TRIM71: variants seen among roughly 807,000 people sequenced by gnomAD.
The protein encoded by TRIM71 is tripartite motif containing 71.
A neutral mutation model predicts 61.2 loss-of-function variants in TRIM71; 9 were observed. The observed-to-expected ratio is 0.15, with a 90% CI of 0.09 to 0.26. The LOEUF (loss-of-function observed/expected upper bound fraction) is 0.26, where lower values mean the gene tolerates loss of function less well. Ranked by LOEUF, TRIM71 falls within the 10% of genes least tolerant of loss-of-function variation. TRIM71 has a pLI of 1.00. For missense variants in TRIM71, 998 were observed against 1,238.7 expected, an observed-to-expected ratio of 0.81 and a Z score of 2.92; for synonymous variants, 645 against 553.2, an observed-to-expected ratio of 1.17 and a Z score of -2.33.
At position 32,818,041 on chromosome 3, in the gene TRIM71, T is replaced by G. The variant is rs1178538431; in HGVS notation, c.-40T>G. ...CCGCTCTCTCCTCCTCCTCCTCCTC[T>G]TCCTCTCTGGTCTCCTCCCTCCTCC... On this transcript the variant is annotated 5_prime_UTR_variant, in exon 1 of 4. Transcript: ENST00000383763. The G allele has an allele frequency of 6.3e-7, 1 of 1,589,054 alleles. No homozygotes were observed. Among genetic ancestry groups the G allele is most frequent in the East Asian group, 2.3e-5 (1 of 43,376 alleles).
At chr3:32,889,101 A>G (rs1696994468) in intron 3 of TRIM71, among the ~76,000 whole-genome samples, 1 of 151,980 alleles carries the variant, frequency 6.6e-6, no homozygotes, top group Non-Finnish European at 1.5e-5. Flanking sequence ...CATGATCCTT[A>G]TTTCTTCGTT....
intron 2 of TRIM71, among the ~76,000 whole-genome samples, chr3:32,879,946 G>A (rs1175113748): frequency 4.6e-5 from 7 of 151,858 alleles, no homozygotes; most frequent in African/African-American, 1.5e-4. Context: ...GGGCGACAGA[G>A]CAAGACTCTG....
At chr3:32,861,807 AGACTTGG>A (rs1312642523) in intron 1 of TRIM71, among the ~76,000 whole-genome samples, 3 of 152,134 alleles carry the variant, frequency 2.0e-5, no homozygotes, top group Admixed American at 6.5e-5. Flanking sequence ...AGAAGAGCCC[AGACTTGG>A]GACTTGGAGA....
chr3:32,852,407 G>A (rs1289051783), intron 1 of TRIM71, among the ~76,000 whole-genome samples: 1 of 152,154 alleles, frequency 6.6e-6, no homozygotes, highest in African/African-American at 2.4e-5. Flanking sequence ...AAGCAAAACA[G>A]TGGTTCAAAC....
intron 1 of TRIM71, among the ~76,000 whole-genome samples, chr3:32,863,595 G>C (rs1696698162): frequency 6.6e-6 from 1 of 152,114 alleles, no homozygotes; most frequent in South Asian, 2.1e-4. Flanking sequence ...AATAAATGGA[G>C]TTATGCAATA....
intron 2 of TRIM71, among the ~76,000 whole-genome samples, chr3:32,882,590 C>G (rs1288343396): frequency 6.6e-6 from 1 of 152,152 alleles, no homozygotes; most frequent in Non-Finnish European, 1.5e-5. Flanking sequence ...GTCACCCAGG[C>G]TGGGGGGCGC....
chr3:32,888,876 AGCTGT>A (rs962418924), intron 3 of TRIM71, among the ~76,000 whole-genome samples: 40 of 152,140 alleles, frequency 2.6e-4, no homozygotes, highest in Admixed American at 1.3e-4. Context: ...CCCTACTGAA[AGCTGT>A]GGTTGTGAAA....
At chr3:32,864,986 A>G (rs1696716249) in intron 1 of TRIM71, among the ~76,000 whole-genome samples, 1 of 150,826 alleles carries the variant, frequency 6.6e-6, no homozygotes, top group South Asian at 2.1e-4. Flanking sequence ...TTTTACCTCG[A>G]CCTCTGCCCC....
intron 1 of TRIM71, among the ~76,000 whole-genome samples, chr3:32,856,270 G>A (rs1263640121): frequency 6.6e-6 from 1 of 152,112 alleles, no homozygotes; most frequent in Non-Finnish European, 1.5e-5. Context: ...GCCTGCCTCG[G>A]CCTCCCAAAG....
rs762664391 is a variant in TRIM71, at chr3:32,890,694, C to T, written c.1490C>T (p.Ala497Val). 2 of 1,614,036 alleles carry T rather than the reference C, an allele frequency of 1.2e-6. No homozygotes were observed. The highest frequency in any genetic ancestry group is 8.5e-7 in the Non-Finnish European group (1 of 1,180,016). ...GCCACAGGCGATGGCCTCAAGCGTG[C>T]CCTCCAGGGTAAGGTGGCCTCCTTC... is the stretch of plus-strand genomic sequence containing the variant. ...TKATGDGLKRALQGKVASFTV... is the reference protein window; with the variant it reads ...TKATGDGLKRVLQGKVASFTV... Residue 497 changes from alanine (A) to valine (V), a missense_variant, in exon 4 of 4, where the codon GCC (alanine) becomes GTC (valine). Coordinates refer to ENST00000383763, the MANE Select transcript of TRIM71 (RefSeq NM_001039111.3). This position sits in a 1 kb window ranked among gnomAD's most constrained non-coding sequence, Gnocchi z 6.2.
At chr3:32,868,467 T>A (rs764523190) in intron 1 of TRIM71, among the ~76,000 whole-genome samples, 7 of 152,216 alleles carry the variant, frequency 4.6e-5, no homozygotes, top group Non-Finnish European at 8.8e-5. Flanking sequence ...TTTACAATTT[T>A]ATTAGCCTAT....
intron 3 of TRIM71, among the ~76,000 whole-genome samples, chr3:32,888,610 G>A (rs1286713364): frequency 2.6e-5 from 4 of 151,892 alleles, no homozygotes; most frequent in Non-Finnish European, 5.9e-5. Flanking sequence ...GCACGATCTC[G>A]GCTCACTGCA....
In TRIM71 at chr3:32,853,721, G is replaced by GGGAGGCACC. The variant is rs752185547; in HGVS notation, c.853-20091_853-20090insACCGGAGGC. The stretch of plus-strand genomic sequence containing the variant: ...GAGTTTGGTTTTGTCAAAAGTTTGT[G>GGGAGGCACC]GGAGGCCTGGTGCGGTGGCTCACGC... On this transcript the variant is annotated intron_variant, in intron 1 of 3. Coordinates refer to ENST00000383763, the MANE Select transcript of TRIM71 (RefSeq NM_001039111.3). Among the ~76,000 whole-genome samples the GGGAGGCACC allele has an allele frequency of 1.9e-3, 292 of 152,234 alleles. 1 individual carries two copies. Among genetic ancestry groups the GGGAGGCACC allele is most frequent in the Non-Finnish European group, 2.8e-3 (190 of 68,012 alleles).
intron 1 of TRIM71, among the ~76,000 whole-genome samples, chr3:32,860,550 G>A (rs1218760594): frequency 6.6e-6 from 1 of 152,064 alleles, no homozygotes; most frequent in African/African-American, 2.4e-5. Flanking sequence ...GCTCTACCCA[G>A]GACCCTCTAG....
chr3:32,855,449 C>A (rs1696589306), intron 1 of TRIM71, among the ~76,000 whole-genome samples: 1 of 152,168 alleles, frequency 6.6e-6, no homozygotes, highest in African/African-American at 2.4e-5. Context: ...GGCACAGTGA[C>A]CCCCAGGAGT....
Position 32,867,778 on chromosome 3 carries a change from C to G in TRIM71, c.853-6040C>G, listed in dbSNP as rs76455682. 0.015 allele frequency among the ~76,000 whole-genome samples: 2,242 copies of G among 152,160 alleles called. 133 individuals are homozygous for G. In the East Asian group the frequency reaches 0.2, roughly 14 times the overall value. On this transcript the variant is annotated intron_variant, in intron 1 of 3. Coordinates refer to ENST00000383763, the MANE Select transcript of TRIM71 (RefSeq NM_001039111.3). ...GTGATTGTCAAAAATACTATAATAA[C>G]TATAGTACCGTGTTGCACATCAGTT...
chr3:32,858,555 T>C (rs1248985229), intron 1 of TRIM71, among the ~76,000 whole-genome samples: 2 of 152,118 alleles, frequency 1.3e-5, no homozygotes, highest in Non-Finnish European at 2.9e-5. Context: ...AGGAGGAAGT[T>C]CTGGGAGAGC....
At chr3:32,838,285 G>A (rs188629882) in intron 1 of TRIM71, among the ~76,000 whole-genome samples, 1 of 152,088 alleles carries the variant, frequency 6.6e-6, no homozygotes, top group African/African-American at 2.4e-5. Flanking sequence ...GTGCAGTGGT[G>A]TGAGCTCCGG....
chr3:32,865,831 T>C (rs1696729522), intron 1 of TRIM71, among the ~76,000 whole-genome samples: 1 of 127,666 alleles, frequency 7.8e-6, no homozygotes, highest in Non-Finnish European at 1.6e-5. Flanking sequence ...TTTTTTTTTT[T>C]TTTTTTTTTT....
Sources: gnomAD v4.1 joint callset for allele counts (sites outside exome capture counted in the v4.1 genomes callset) on GRCh38, gnomAD v4.1.1 for gene constraint, Gnocchi (gnomAD v3.1) non-coding constraint, MANE v1.5 for transcripts, NCBI Gene and HGNC (gene_info 2026-07-23, HGNC 2026-07-21) for gene names.